The following DPP6 variants were observed in gnomAD, a reference collection of about 807,000 sequenced individuals.
DPP6 encodes dipeptidyl peptidase like 6, also known as A-type potassium channel modulatory protein DPP6.
A neutral mutation model predicts 122.6 loss-of-function variants in DPP6; 69 were observed. The ratio of observed to expected loss-of-function variants is 0.56; its 90% CI spans 0.46 to 0.69. DPP6 has a LOEUF of 0.69. Among genes scored for constraint, DPP6 ranks in the 30% least tolerant of loss-of-function variants. The probability of loss-of-function intolerance (pLI) is 0.00; values close to 1 mark genes in which losing one functional copy is unlikely to be tolerated. For synonymous variants in DPP6, 418 were observed against 433.1 expected, an observed-to-expected ratio of 0.97 and a Z score of 0.43; for missense variants, 928 against 1,116.9, an observed-to-expected ratio of 0.83 and a Z score of 2.41.
chr7:154,371,557 G>A (rs576745367), intron 1 of DPP6, among the ~76,000 whole-genome samples: 5 of 151,978 alleles, frequency 3.3e-5, no homozygotes, highest in African/African-American at 7.2e-5. Flanking sequence ...TTGATATTTC[G>A]TGACTCTCAC....
intron 1 of DPP6, among the ~76,000 whole-genome samples, chr7:154,177,828 T>C (rs1054927607): frequency 6.6e-6 from 1 of 152,350 alleles, no homozygotes; most frequent in African/African-American, 2.4e-5. Flanking sequence ...AGAAGGCTCA[T>C]GGTGGATGTG....
intron 1 of DPP6, among the ~76,000 whole-genome samples, chr7:153,907,795 A>G (rs991076662): frequency 1.3e-5 from 2 of 152,172 alleles, no homozygotes; most frequent in African/African-American, 4.8e-5. Flanking sequence ...GCCAGCTCCT[A>G]TAATCACATG....
At chr7:154,357,154 G>T (rs1294837494) in intron 1 of DPP6, among the ~76,000 whole-genome samples, 1 of 151,914 alleles carries the variant, frequency 6.6e-6, no homozygotes, top group Non-Finnish European at 1.5e-5. Context: ...AAAGCAAGAG[G>T]TTAAAGTAAA....
intron 1 of DPP6, among the ~76,000 whole-genome samples, chr7:154,168,329 A>G (rs1290376590): frequency 6.6e-6 from 1 of 152,254 alleles, no homozygotes; most frequent in Non-Finnish European, 1.5e-5. Flanking sequence ...GCGCAGATCC[A>G]GGGCCACAGA....
intron 7 of DPP6, among the ~76,000 whole-genome samples, chr7:154,686,544 A>G (rs1178653243): frequency 6.6e-6 from 1 of 151,920 alleles, no homozygotes; most frequent in Non-Finnish European, 1.5e-5. Context: ...CCTAACTGAT[A>G]TTTCCCTCTA....
chr7:154,658,773 T>G (rs923727612), intron 6 of DPP6, among the ~76,000 whole-genome samples: 3 of 152,118 alleles, frequency 2.0e-5, no homozygotes, highest in Non-Finnish European at 4.4e-5. Flanking sequence ...AGATTGGAAT[T>G]GGCATTGAGG....
At chr7:153,748,360 G>A in the DPP6 span, among the ~76,000 whole-genome samples, 7 of 147,462 alleles carry the variant, frequency 4.7e-5, no homozygotes, top group Admixed American at 2.7e-4. Context: ...AACCCCTGCT[G>A]GGTGGGTGGG....
At chr7:154,587,387 C>T in intron 5 of DPP6, 2 of 548,312 alleles carry the variant, frequency 3.6e-6, no homozygotes, top group Non-Finnish European at 6.5e-6. Flanking sequence ...GGACTCTTCT[C>T]TCCTCTTGCC....
intron 1 of DPP6, among the ~76,000 whole-genome samples, chr7:153,998,818 C>A (rs1035041030): frequency 6.6e-6 from 1 of 152,106 alleles, no homozygotes; most frequent in South Asian, 2.1e-4. Context: ...AAGAATGTAC[C>A]CCAATTTTCA....
At position 154,856,016 on chromosome 7, in the gene DPP6, T is replaced by C. The variant is rs1292474210; in HGVS notation, c.1714+2189T>C. Among the ~76,000 whole-genome samples the C allele has an allele frequency of 6.6e-5, 10 of 152,126 alleles. 1 individual carries two copies. The highest frequency in any genetic ancestry group is 1.5e-4 in the Non-Finnish European group (10 of 68,020). On this transcript the variant is annotated intron_variant, in intron 17 of 25. Transcript: ENST00000377770. Reference sequence around the variant, plus strand: ...GGTTAGCTGTTGCCCGATGGTTCTGTGAGATGCCACCACTGAAGACCCGGA... The same window carrying C: ...GGTTAGCTGTTGCCCGATGGTTCTGCGAGATGCCACCACTGAAGACCCGGA...
intron 1 of DPP6, among the ~76,000 whole-genome samples, chr7:154,024,802 C>T (rs3980033): frequency 0.012 from 1,872 of 152,336 alleles, 39 homozygotes; most frequent in African/African-American, 0.042. Context: ...CCACCTTTCT[C>T]CTCCTACTTT....
chr7:154,842,590 T>A (rs1049672253), intron 16 of DPP6, among the ~76,000 whole-genome samples: 5 of 151,968 alleles, frequency 3.3e-5, no homozygotes, highest in East Asian at 1.9e-4. Context: ...ATTTTTTTTT[T>A]ATTTTTGTCC....
At chr7:153,768,319 T>C in the DPP6 span, among the ~76,000 whole-genome samples, 2 of 151,486 alleles carry the variant, frequency 1.3e-5, no homozygotes, top group Non-Finnish European at 2.9e-5. Context: ...CAGAAACATA[T>C]AATATTTTAT....
chr7:154,292,951 G>A (rs552709095), intron 1 of DPP6, among the ~76,000 whole-genome samples: 1 of 152,088 alleles, frequency 6.6e-6, no homozygotes, highest in Admixed American at 6.5e-5. Flanking sequence ...TTTCATAATA[G>A]AAATCTTGGG....
chr7:154,588,291 T>C, intron 5 of DPP6: 2 of 782,780 alleles, frequency 2.6e-6, no homozygotes, highest in Non-Finnish European at 3.8e-6. Flanking sequence ...CCCTCGTGAA[T>C]ACTGAACTGA....
chr7:154,329,866 A>T (rs1009741258), intron 1 of DPP6, among the ~76,000 whole-genome samples: 1 of 152,242 alleles, frequency 6.6e-6, no homozygotes, highest in Non-Finnish European at 1.5e-5. Flanking sequence ...GAATGAGTTC[A>T]TGTCCTTTGC....
intron 4 of DPP6, among the ~76,000 whole-genome samples, chr7:154,558,540 T>C (rs1206646694): frequency 6.6e-6 from 1 of 152,244 alleles, no homozygotes; most frequent in Non-Finnish European, 1.5e-5. Flanking sequence ...CCCCTAAGAT[T>C]ATAATATCAT....
chr7:154,028,962 AC>A, intron 1 of DPP6, among the ~76,000 whole-genome samples: 1 of 150,576 alleles, frequency 6.6e-6, no homozygotes, highest in Non-Finnish European at 1.5e-5. Flanking sequence ...AGCAGCTCCG[AC>A]CACACCATCC....
intron 2 of DPP6, among the ~76,000 whole-genome samples, chr7:154,470,942 AAAAT>A (rs1320845396): frequency 3.9e-5 from 6 of 152,180 alleles, no homozygotes; most frequent in Admixed American, 3.9e-4. Context: ...AAGTGACAGC[AAAAT>A]AAATAACGAA....
Sources: allele counts gnomAD v4.1 joint callset (sites outside exome capture counted in the v4.1 genomes callset), GRCh38; gene constraint gnomAD v4.1.1; transcripts MANE v1.5; gene names NCBI Gene and HGNC (gene_info 2026-07-23, HGNC 2026-07-21).